The following P2RX7 variants were observed in gnomAD, a reference collection of about 807,000 sequenced individuals.
The protein encoded by P2RX7 is purinergic receptor P2X 7.
In P2RX7, 62 loss-of-function variants were observed where a neutral mutation model predicts 71.6. The observed-to-expected ratio is 0.87, with a 90% CI of 0.71 to 1.07. The LOEUF is 1.07. Ranked by LOEUF, P2RX7 falls within the 50% of genes least tolerant of loss-of-function variation. The probability of loss-of-function intolerance (pLI) is 0.00; values close to 1 mark genes in which losing one functional copy is unlikely to be tolerated. For missense variants in P2RX7, 686 were observed against 748.5 expected, an observed-to-expected ratio of 0.92 and a Z score of 0.97; for synonymous variants, 299 against 283.3, an observed-to-expected ratio of 1.06 and a Z score of -0.56.
At position 121,174,048 on chromosome 12, in the gene P2RX7, C is replaced by CT. The variant is rs141344773; in HGVS notation, c.882-1321dup. On this transcript the variant is annotated intron_variant, in intron 8 of 12. Transcript: ENST00000328963. ...ACTTTTTTATTTTTTCTTTTCTTTTCTTTTTTTTTTTTTTTTTTTGAGACA... is the reference window on the plus strand; with the variant it reads ...ACTTTTTTATTTTTTCTTTTCTTTTCTTTTTTTTTTTTTTTTTTTTGAGACA... 6.5e-3 allele frequency among the ~76,000 whole-genome samples: 482 copies of CT among 73,878 alleles called. 5 individuals carry two copies. The highest frequency in any genetic ancestry group is 0.018 in the African/African-American group (325 of 18,194). 48.5% of individuals were successfully genotyped at this position (73,878 alleles called of 152,430 possible).
In P2RX7 at chr12:121,162,415, C is replaced by A. The variant is rs765589181; in HGVS notation, c.437-9C>A. ...CATCTGTGGTTCTACGATGCTTTGA[C>A]CCCTATAGGAATTCAGACCGGAAGG... On this transcript the variant is annotated splice_polypyrimidine_tract_variant and intron_variant, in intron 4 of 12. Transcript: ENST00000328963. 5.6e-6 allele frequency: 9 copies of A among 1,613,642 alleles called. No homozygotes were observed. The highest frequency in any genetic ancestry group is 5.0e-5 in the Admixed American group (3 of 59,982).
intron 4 of P2RX7, among the ~76,000 whole-genome samples, chr12:121,161,470 G>A (rs1422409183): frequency 6.6e-6 from 1 of 152,060 alleles, no homozygotes; most frequent in Non-Finnish European, 1.5e-5. Context: ...GATACCTGCA[G>A]AATTTCTTTA....
chr12:121,152,943 C>T (rs1247881134), intron 1 of P2RX7, among the ~76,000 whole-genome samples: 1 of 152,214 alleles, frequency 6.6e-6, no homozygotes, highest in Non-Finnish European at 1.5e-5. Flanking sequence ...ATAGCTCCTC[C>T]GGCACATGTA....
intron 12 of P2RX7, among the ~76,000 whole-genome samples, chr12:121,182,002 T>A (rs1350143732): frequency 6.7e-6 from 1 of 150,222 alleles, no homozygotes; most frequent in African/African-American, 2.5e-5. Context: ...AGGCAGAGGC[T>A]GCGGTTAGCT....
intron 11 of P2RX7, 122 bp downstream of exon 11, chr12:121,177,568 C>G: frequency 1.1e-6 from 1 of 884,930 alleles, no homozygotes; most frequent in Non-Finnish European, 1.7e-6. Flanking sequence ...TCGCTGGGTT[C>G]TACCCCGATC....
chr12:121,166,182 A>T lies in P2RX7; in HGVS notation c.739A>T (p.Ile247Phe). The change falls in exon 7 of 13, where the codon ATT becomes TTT. Residue 247 changes from isoleucine to phenylalanine, a missense_variant. By Grantham distance (21) the Ile-to-Phe change is conservative. Coordinates refer to ENST00000328963, the MANE Select transcript of P2RX7 (RefSeq NM_002562.6). ...ETGDNFSDVA[I>F]QGGIMGIEIY... ...AGGCGATAATTTTTCAGATGTGGCA[A>T]TTCAGGTTGGTGGTGCTTTGTACAC... The T allele has an allele frequency of 6.2e-7, 1 of 1,612,984 alleles. No homozygotes were observed. The highest frequency in any genetic ancestry group is 8.5e-7 in the Non-Finnish European group (1 of 1,179,254).
intron 4 of P2RX7, 26 bp from the exon 5 acceptor site, chr12:121,162,398 G>T (rs767092255): frequency 1.2e-6 from 2 of 1,613,184 alleles, no homozygotes; most frequent in East Asian, 2.2e-5. Context: ...CACATCTGTG[G>T]TTCTACGATG....
intron 1 of P2RX7, 137 bp downstream of exon 1, chr12:121,133,232 G>C (rs902150266): frequency 1.0e-6 from 1 of 994,050 alleles, no homozygotes; most frequent in Non-Finnish European, 1.6e-6. Flanking sequence ...CCAGCTGGGC[G>C]GGAGGGAGGA....
In P2RX7 at chr12:121,175,439, AG is replaced by A. The variant is rs754354626; in HGVS notation, c.934del (p.Val312SerfsTer87). On this transcript the variant is annotated frameshift_variant, in exon 9 of 13. Coordinates refer to ENST00000328963, the MANE Select transcript of P2RX7 (RefSeq NM_002562.6). LOFTEE classifies it high-confidence loss of function. Reference sequence around the variant, plus strand: ...ATGTTGAGAAACGGACTCTGATAAAAGTCTTCGGGATCCGTTTTGACATCCT... The same window carrying A: ...ATGTTGAGAAACGGACTCTGATAAAATCTTCGGGATCCGTTTTGACATCCT... ...NNVEKRTLIK[V>X]FGIRFDILVF... 1.3e-6 allele frequency: 2 copies of A among 1,586,232 alleles called. No homozygotes were observed. The highest frequency in any genetic ancestry group is 2.7e-5 in the African/African-American group (2 of 74,338).
intron 8 of P2RX7, among the ~76,000 whole-genome samples, chr12:121,171,937 C>T (rs993215207): frequency 4.0e-5 from 6 of 150,674 alleles, no homozygotes; most frequent in African/African-American, 1.5e-4. Flanking sequence ...TCTCGGCTCA[C>T]TGCAAGCTCC....
At chr12:121,136,647 CTTTTTTTTTTTTT>C (rs66894143) in intron 1 of P2RX7, among the ~76,000 whole-genome samples, 10 of 119,250 alleles carry the variant, frequency 8.4e-5, no homozygotes, top group Non-Finnish European at 1.4e-4. Flanking sequence ...TTCTTTCTTT[CTTTTTTTTTTTTT>C]TTTTTGAGTT....
Position 121,167,520 on chromosome 12 carries a change from C to G in P2RX7, c.777C>G (p.Asp259Glu). The G allele has an allele frequency of 6.2e-7, 1 of 1,613,986 alleles. No individual in the cohort carries two copies. Among genetic ancestry groups the G allele is most frequent in the Non-Finnish European group, 8.5e-7 (1 of 1,179,934 alleles). Residue 259 changes from aspartate (D) to glutamate (E), a missense_variant, in exon 8 of 13, where the codon GAC becomes GAG. Physicochemically the swap from Asp to Glu is conservative, Grantham distance 45. Coordinates refer to ENST00000328963, the MANE Select transcript of P2RX7 (RefSeq NM_002562.6). ...TAATGGGCATTGAGATCTACTGGGA[C>G]TGCAACCTAGACCGTTGGTTCCATC... ...GGIMGIEIYW[D>E]CNLDRWFHHC...
At chr12:121,141,667 C>A (rs1267235543) in intron 1 of P2RX7, among the ~76,000 whole-genome samples, 2 of 152,124 alleles carry the variant, frequency 1.3e-5, no homozygotes, top group African/African-American at 2.4e-5. Context: ...TTAGAGAGAT[C>A]ATTCTGCTTG....
At chr12:121,157,041 C>T (rs1391681615) in intron 3 of P2RX7, among the ~76,000 whole-genome samples, 1 of 152,184 alleles carries the variant, frequency 6.6e-6, no homozygotes, top group Non-Finnish European at 1.5e-5. Flanking sequence ...CCTCACCATC[C>T]TGCTCTCTCC....
In P2RX7 at chr12:121,165,085, G is replaced by A. The variant is rs572806164; in HGVS notation, c.534-272G>A. 2.0e-5 allele frequency among the ~76,000 whole-genome samples: 3 copies of A among 152,242 alleles called. No homozygotes were observed. In the East Asian group the frequency reaches 5.8e-4, roughly 29 times the overall value. ...CACCTCCCACCAGGCCCCTCCTCTG[G>A]CACATGGGGATTACAATTCAAGATG... On this transcript the variant is annotated intron_variant, in intron 5 of 12. Transcript: ENST00000328963.
chr12:121,170,707 G>T (rs916311304), intron 8 of P2RX7, among the ~76,000 whole-genome samples: 3 of 152,130 alleles, frequency 2.0e-5, no homozygotes, highest in Non-Finnish European at 2.9e-5. Flanking sequence ...CCGGAAGGTG[G>T]AGGTTGCAGT....
intron 1 of P2RX7, among the ~76,000 whole-genome samples, chr12:121,133,302 G>A (rs770922812): frequency 2.0e-5 from 3 of 152,264 alleles, no homozygotes; most frequent in African/African-American, 7.2e-5. Context: ...CACAGGACAA[G>A]CGGGATTCCT....
Position 121,184,877 on chromosome 12 carries a change from G to C in P2RX7, c.*75G>C. The C allele has an allele frequency of 1.6e-6, 2 of 1,217,514 alleles. No homozygotes were observed. Among genetic ancestry groups the C allele is most frequent in the East Asian group, 5.1e-5 (2 of 38,958 alleles). The allele number at this position is 1,217,514 out of a possible 1,614,324, so 75.4% of individuals were successfully genotyped here. On this transcript the variant is annotated 3_prime_UTR_variant, in exon 13 of 13. Transcript: ENST00000328963. ...AGGCAGGCAGATCACCTGAGGTCGG[G>C]AGTTGGAGACCCGCCTGGCTAACAA...
In P2RX7 at chr12:121,166,099, A is replaced by T; in HGVS notation, c.656A>T (p.His219Leu). Residue 219 changes from histidine (H) to leucine (L), a missense_variant, in exon 7 of 13, where the codon CAC becomes CTC. By Grantham distance (99) the His-to-Leu change is moderately conservative. Transcript: ENST00000328963. Reference sequence around the variant, plus strand: ...GGTTTAAACATCACTTGTACCTTCCACAAGACTCAGAATCCACAGTGTCCC... The same window carrying T: ...GGTTTAAACATCACTTGTACCTTCCTCAAGACTCAGAATCCACAGTGTCCC... ...LPGLNITCTF[H>L]KTQNPQCPIF... The T allele has an allele frequency of 6.2e-7, 1 of 1,613,892 alleles. No individual in the cohort carries two copies. Among genetic ancestry groups the T allele is most frequent in the East Asian group, 2.2e-5 (1 of 44,884 alleles).
Sources: gnomAD v4.1 joint callset for allele counts (sites outside exome capture counted in the v4.1 genomes callset) on GRCh38, gnomAD v4.1.1 for gene constraint, MANE v1.5 for transcripts, NCBI Gene and HGNC (gene_info 2026-07-23, HGNC 2026-07-21) for gene names.